The following KNDC1 variants were observed in gnomAD, a reference collection of about 807,000 sequenced individuals.
KNDC1 encodes kinase non-catalytic C-lobe domain containing 1.
A neutral mutation model predicts 172.8 loss-of-function variants in KNDC1; 106 were observed. That is an observed-to-expected ratio of 0.61 (90% CI 0.52 to 0.72). KNDC1 has a LOEUF of 0.72. KNDC1 is among the 30% of genes least tolerant of loss of function. The probability of loss-of-function intolerance (pLI) is 0.00; values close to 1 mark genes in which losing one functional copy is unlikely to be tolerated. For synonymous variants in KNDC1, 1,083 were observed against 1,062.2 expected, an observed-to-expected ratio of 1.02 and a Z score of -0.38; for missense variants, 2,325 against 2,394.5, an observed-to-expected ratio of 0.97 and a Z score of 0.61.
In KNDC1 at chr10:133,201,558, C is replaced by T. The variant is rs746410348; in HGVS notation, c.3047C>T (p.Ser1016Leu). Reference sequence around the variant, plus strand: ...AGCAGGGCCCCCTGCTCACCCACCTCGGTGTCGGATGTGGACTCGGACGCA... The same window carrying T: ...AGCAGGGCCCCCTGCTCACCCACCTTGGTGTCGGATGTGGACTCGGACGCA... ...TSSRAPCSPT[S>L]VSDVDSDALS... The change falls in exon 17 of 30, where the codon TCG (serine) becomes TTG (leucine). Residue 1016 changes from serine (S) to leucine (L), a missense_variant. By Grantham distance (145) the Ser-to-Leu change is moderately radical. Transcript: ENST00000304613. 7.4e-6 allele frequency: 12 copies of T among 1,612,226 alleles called. No homozygotes were observed. The highest frequency in any genetic ancestry group is 3.3e-5 in the South Asian group (3 of 90,992).
intron 29 of KNDC1, among the ~76,000 whole-genome samples, chr10:133,222,280 C>A (rs1221302257): frequency 2.5e-5 from 3 of 119,796 alleles, no homozygotes; most frequent in Non-Finnish European, 3.7e-5. Flanking sequence ...GAGACTCCGT[C>A]TCAAAAAAAA....
At position 133,185,418 on chromosome 10, in the gene KNDC1, TGGA is replaced by T. The variant is rs1445554977; in HGVS notation, c.626-554_626-552del. ...TGTGGAGTAGGCAGTGTGTGCAGTG[TGGA>T]GTAGGCAGTGTGTGCAGTGTGGAAT... On this transcript the variant is annotated intron_variant, in intron 5 of 29. Transcript: ENST00000304613. Among the ~76,000 whole-genome samples, 51 of 143,810 alleles carry T rather than the reference TGGA, an allele frequency of 3.5e-4. 1 individual carries two copies. The highest frequency in any genetic ancestry group is 1.3e-3 in the African/African-American group (48 of 38,198). The allele number at this position is 143,810 out of a possible 152,430, so 94.3% of individuals were successfully genotyped here.
intron 26 of KNDC1, among the ~76,000 whole-genome samples, chr10:133,216,469 G>A (rs1361562619): frequency 6.6e-6 from 1 of 152,132 alleles, no homozygotes; most frequent in Admixed American, 6.5e-5. Context: ...CTTGAGACCA[G>A]GAGTTGGGAT....
In KNDC1 at chr10:133,214,381, G is replaced by A. The variant is rs533588758; in HGVS notation, c.4677+259G>A. ...CATCCACGGCCACATCCACATCCAC[G>A]GCCACTTCCACAGCCACGTCCACAT... On this transcript the variant is annotated intron_variant, in intron 26 of 29. Coordinates refer to ENST00000304613, the MANE Select transcript of KNDC1 (RefSeq NM_152643.8). 2.1e-3 allele frequency among the ~76,000 whole-genome samples: 317 copies of A among 152,216 alleles called. 1 individual carries two copies. Among genetic ancestry groups the A allele is most frequent in the Non-Finnish European group, 3.5e-3 (240 of 68,010 alleles).
At chr10:133,203,055 C>T (rs1273470665) in intron 17 of KNDC1, among the ~76,000 whole-genome samples, 2 of 151,464 alleles carry the variant, frequency 1.3e-5, no homozygotes, top group African/African-American at 4.9e-5. Flanking sequence ...GGGGAGCACT[C>T]GGCCCCCAAA....
At chr10:133,168,434 G>A (rs1301838313) in intron 3 of KNDC1, 122 bp downstream of exon 3, 7 of 1,036,646 alleles carry the variant, frequency 6.8e-6, no homozygotes, top group Non-Finnish European at 8.9e-6. Flanking sequence ...GCCGGGAGCG[G>A]AGCCGCTGCT....
At chr10:133,185,182 G>A (rs1274594302) in intron 5 of KNDC1, among the ~76,000 whole-genome samples, 2 of 142,220 alleles carry the variant, frequency 1.4e-5, no homozygotes, top group South Asian at 2.4e-4. Flanking sequence ...GGCAGTGTGT[G>A]CAGTGTGGAG....
intron 15 of KNDC1, among the ~76,000 whole-genome samples, 191 bp downstream of exon 15, chr10:133,199,793 C>T (rs1282858834): frequency 2.0e-5 from 3 of 152,198 alleles, no homozygotes. Context: ...CTGACGCCTA[C>T]TCACAGCTTT....
At position 133,210,703 on chromosome 10, in the gene KNDC1, G is replaced by A. The variant is rs752992378; in HGVS notation, c.3887G>A (p.Arg1296His). The change falls in exon 21 of 30, where the codon CGC (arginine) becomes CAC (histidine). Residue 1296 changes from arginine to histidine, a missense_variant. Transcript: ENST00000304613. ...GACTTCCTGCACTTCCTCCTCGACC[G>A]CATCAACAGCACGCTGACCAGGTAC... Reference protein sequence around the residue: ...PHDFLHFLLDRINSTLTRAHQ... With the variant: ...PHDFLHFLLDHINSTLTRAHQ... 16 of 1,612,998 alleles carry A rather than the reference G, an allele frequency of 9.9e-6. No homozygotes were observed. Among genetic ancestry groups the A allele is most frequent in the Admixed American group, 3.3e-5 (2 of 59,998 alleles).
In KNDC1 at chr10:133,200,466, T is replaced by C. The variant is rs780022319; in HGVS notation, c.2989+6T>C. Reference sequence around the variant, plus strand: ...GCCGTCGCTGCACCGCCTGGGTAAGTGCTGGGCGGGCCCCGCGGCAGGAGC... The same window carrying C: ...GCCGTCGCTGCACCGCCTGGGTAAGCGCTGGGCGGGCCCCGCGGCAGGAGC... On this transcript the variant is annotated splice_donor_region_variant and intron_variant, in intron 16 of 29. Coordinates refer to ENST00000304613, the MANE Select transcript of KNDC1 (RefSeq NM_152643.8). 9 of 1,546,330 alleles carry C rather than the reference T, an allele frequency of 5.8e-6. No individual in the cohort carries two copies. The highest frequency in any genetic ancestry group is 7.8e-6 in the Non-Finnish European group (9 of 1,148,632).
chr10:133,198,258 C>A, intron 12 of KNDC1, 79 bp from the exon 13 acceptor site: 1 of 1,442,470 alleles, frequency 6.9e-7, no homozygotes, highest in Non-Finnish European at 9.2e-7. Context: ...GGGATGAGCA[C>A]TGGGTGGGAT....
intron 10 of KNDC1, among the ~76,000 whole-genome samples, chr10:133,196,383 C>T (rs1854192095): frequency 6.6e-6 from 1 of 152,088 alleles, no homozygotes; most frequent in Admixed American, 6.5e-5. Context: ...AGGAGCCAAA[C>T]TCTCATGTGT....
At position 133,163,912 on chromosome 10, in the gene KNDC1, G is replaced by A. The variant is rs1265181149; in HGVS notation, c.102+3343G>A. On this transcript the variant is annotated intron_variant, in intron 1 of 29. Coordinates refer to ENST00000304613, the MANE Select transcript of KNDC1 (RefSeq NM_152643.8). The surrounding 1 kb of genome is among the most constrained non-coding windows in gnomAD (Gnocchi z 4.4). The stretch of plus-strand genomic sequence containing the variant: ...AATCCCTCCTCCCACCTGGGATGGG[G>A]GTGGAGTTCGTGGCCACCTGCCTTC... Among the ~76,000 whole-genome samples, 2 of 145,112 alleles carry A rather than the reference G, an allele frequency of 1.4e-5. No individual in the cohort carries two copies. Among genetic ancestry groups the A allele is most frequent in the Non-Finnish European group, 3.1e-5 (2 of 65,282 alleles).
rs750954281 is a variant in KNDC1, at chr10:133,197,054, C to T, written c.1735-4C>T. 10 of 1,612,438 alleles carry T rather than the reference C, an allele frequency of 6.2e-6. No homozygotes were observed. Among genetic ancestry groups the T allele is most frequent in the African/African-American group, 2.7e-5 (2 of 75,010 alleles). Reference sequence around the variant, plus strand: ...GGGACGTGTGAACTGTCTCCTCCCTCCAGGTGTGCGGCAGCTACCTCCTCC... The same window carrying T: ...GGGACGTGTGAACTGTCTCCTCCCTTCAGGTGTGCGGCAGCTACCTCCTCC... On this transcript the variant is annotated splice_region_variant and splice_polypyrimidine_tract_variant and intron_variant, in intron 10 of 29. Transcript: ENST00000304613.
chr10:133,179,343 C>A (rs956434884), intron 3 of KNDC1: 1 of 152,194 alleles, frequency 6.6e-6, no homozygotes, highest in African/African-American at 2.4e-5. Context: ...CTCCTGAGGC[C>A]CGGGCTGTGG....
intron 5 of KNDC1, among the ~76,000 whole-genome samples, chr10:133,184,518 T>C (rs1391154685): frequency 2.0e-5 from 3 of 152,228 alleles, no homozygotes; most frequent in African/African-American, 7.2e-5. Flanking sequence ...TATTCACTCT[T>C]GCTCACAGTC....
At chr10:133,193,319 G>GT (rs200107810) in intron 9 of KNDC1, among the ~76,000 whole-genome samples, 2,267 of 152,328 alleles carry the variant, frequency 0.015, 62 homozygotes, top group African/African-American at 0.051. Flanking sequence ...GAGGTCAGGA[G>GT]TTTGAGACCA....
intron 20 of KNDC1, among the ~76,000 whole-genome samples, chr10:133,208,405 A>G (rs182996886): frequency 1.2e-4 from 1 of 8,526 alleles, no homozygotes; most frequent in Non-Finnish European, 2.0e-4. Flanking sequence ...GTGGCCCCCC[A>G]ACCCCGTTAC....
At chr10:133,171,544 A>G (rs1311169299) in intron 3 of KNDC1, among the ~76,000 whole-genome samples, 1 of 141,638 alleles carries the variant, frequency 7.1e-6, no homozygotes, top group Admixed American at 7.0e-5. Flanking sequence ...AGTGCTGGGG[A>G]TAAAGGCATG....
Sources: gnomAD v4.1 joint callset for allele counts (sites outside exome capture counted in the v4.1 genomes callset) on GRCh38, gnomAD v4.1.1 for gene constraint, Gnocchi (gnomAD v3.1) non-coding constraint, MANE v1.5 for transcripts, NCBI Gene and HGNC (gene_info 2026-07-23, HGNC 2026-07-21) for gene names.